Variants in CDH23 observed in about 807,000 individuals in gnomAD.
CDH23 encodes the protein cadherin-23.
CDH23 carries 189 observed loss-of-function variants against 317.1 expected under a neutral mutation model. The observed-to-expected ratio is 0.60, with a 90% CI of 0.53 to 0.67. The LOEUF is 0.67. Among genes scored for constraint, CDH23 ranks in the 30% least tolerant of loss-of-function variants. The pLI is 0.00. For synonymous variants in CDH23, 1,839 were observed against 1,876.8 expected (o/e 0.98, Z 0.52); for missense variants, 4,401 against 4,592.4 (o/e 0.96, Z 1.20).
chr10:71,539,704 T>A (rs1271085942), intron 6 of CDH23, among the ~76,000 whole-genome samples: 2 of 151,678 alleles, frequency 1.3e-5, no homozygotes, highest in Non-Finnish European at 2.9e-5. Context: ...CTTTGCTCCC[T>A]TCTCTCTCTT....
At chr10:71,662,419 G>A (rs1863714394) in intron 14 of CDH23, among the ~76,000 whole-genome samples, 2 of 152,168 alleles carry the variant, frequency 1.3e-5, no homozygotes, top group Non-Finnish European at 2.9e-5. Flanking sequence ...TAGACTGGGG[G>A]CTGCCTGACA....
At chr10:71,696,064 C>T (rs1227073) in intron 22 of CDH23, among the ~76,000 whole-genome samples, 52,230 of 152,064 alleles carry the variant, frequency 0.34, 9,615 homozygotes, top group East Asian at 0.52. Flanking sequence ...GTTGTGTGCT[C>T]ATGTGCAGGA....
At chr10:71,769,057 G>C (rs556789511) in intron 38 of CDH23, among the ~76,000 whole-genome samples, 1 of 152,320 alleles carries the variant, frequency 6.6e-6, no homozygotes, top group South Asian at 2.1e-4. Context: ...CAAATGTCAT[G>C]ACCAATGAAA....
intron 8 of CDH23, among the ~76,000 whole-genome samples, chr10:71,576,384 G>T (rs1858199653): frequency 6.6e-6 from 1 of 152,150 alleles, no homozygotes; most frequent in African/African-American, 2.4e-5. Context: ...AGGGTGAGGT[G>T]GGGGGTGCCC....
At chr10:71,812,259 G>A (rs530929959) in intron 66 of CDH23, 1 of 1,599,132 alleles carries the variant, frequency 6.3e-7, no homozygotes, top group Non-Finnish European at 8.5e-7. Flanking sequence ...GGTGCAGGGT[G>A]AAGCCTCTGC....
intron 9 of CDH23, among the ~76,000 whole-genome samples, chr10:71,608,980 C>T (rs534543152): frequency 6.6e-6 from 1 of 152,276 alleles, no homozygotes; most frequent in South Asian, 2.1e-4. Context: ...CCTGTGTTCC[C>T]GCACGCACCA....
intron 3 of CDH23, among the ~76,000 whole-genome samples, chr10:71,487,222 C>T (rs761322965): frequency 3.3e-5 from 5 of 152,112 alleles, no homozygotes; most frequent in Admixed American, 6.5e-5. Flanking sequence ...TAGACTACTA[C>T]GTGTGTAAAA....
At chr10:71,734,710 C>A in intron 34 of CDH23, 52 bp downstream of exon 34, 1 of 1,242,852 alleles carries the variant, frequency 8.0e-7, no homozygotes, top group Non-Finnish European at 1.1e-6. Flanking sequence ...GTGGCCAGTG[C>A]TGGCCGGGCT....
chr10:71,497,013 G>A (rs1478876389), intron 3 of CDH23, among the ~76,000 whole-genome samples: 3 of 152,206 alleles, frequency 2.0e-5, no homozygotes, highest in Admixed American at 2.0e-4. Flanking sequence ...GTCACATTCA[G>A]GGGACTGTGA....
intron 14 of CDH23, chr10:71,646,906 G>A: frequency 7.1e-7 from 1 of 1,418,214 alleles, no homozygotes; most frequent in Non-Finnish European, 9.2e-7. Flanking sequence ...GGGTGGGCTG[G>A]GAGCCCTGGA....
intron 38 of CDH23, chr10:71,760,853 A>G: frequency 3.7e-6 from 6 of 1,609,834 alleles, no homozygotes; most frequent in Non-Finnish European, 4.3e-6. Flanking sequence ...AAGGGGCAAG[A>G]GGTTGGTCCC....
chr10:71,767,295 G>A lies in CDH23; in HGVS notation c.4846-10385G>A, dbSNP rs146399177. On this transcript the variant is annotated intron_variant, in intron 38 of 69. Transcript: ENST00000224721. ...GCCTGTGTATTTTTCATGACAGGGC[G>A]TGAGCTTAGCCCACAGTCGCCAAGG... 2.7e-3 allele frequency among the ~76,000 whole-genome samples: 411 copies of A among 152,330 alleles called. 1 individual carries two copies. Among genetic ancestry groups the A allele is most frequent in the African/African-American group, 9.2e-3 (383 of 41,572 alleles).
intron 9 of CDH23, among the ~76,000 whole-genome samples, chr10:71,585,360 T>A (rs1016744008): frequency 7.2e-5 from 11 of 152,186 alleles, no homozygotes; most frequent in African/African-American, 2.4e-4. Flanking sequence ...TCTTCATCCA[T>A]GGCAGACATC....
intron 3 of CDH23, among the ~76,000 whole-genome samples, chr10:71,478,420 G>A (rs1851901591): frequency 6.6e-6 from 1 of 152,156 alleles, no homozygotes; most frequent in Admixed American, 6.5e-5. Flanking sequence ...TCCTGATGAT[G>A]CCTTCTCATC....
At chr10:71,461,026 CAG>C (rs1850953626) in intron 3 of CDH23, among the ~76,000 whole-genome samples, 1 of 152,230 alleles carries the variant, frequency 6.6e-6, no homozygotes, top group South Asian at 2.1e-4. Context: ...TATTGGGAAA[CAG>C]TACACACAGA....
intron 48 of CDH23, among the ~76,000 whole-genome samples, chr10:71,795,239 A>G (rs1382673988): frequency 6.6e-6 from 1 of 152,204 alleles, no homozygotes. Context: ...ACATAAAACA[A>G]GAGAAGTGCC....
At chr10:71,519,810 G>T (rs1854559464) in intron 6 of CDH23, among the ~76,000 whole-genome samples, 2 of 150,356 alleles carry the variant, frequency 1.3e-5, no homozygotes, top group Admixed American at 1.3e-4. Context: ...TTGAGACAGG[G>T]TCTCACTCTG....
At chr10:71,703,960 C>T (rs1294003071) in intron 24 of CDH23, among the ~76,000 whole-genome samples, 1 of 152,240 alleles carries the variant, frequency 6.6e-6, no homozygotes, top group Non-Finnish European at 1.5e-5. Flanking sequence ...TCCTCACATA[C>T]ACGATGAGGG....
intron 3 of CDH23, among the ~76,000 whole-genome samples, chr10:71,482,837 A>T (rs1447709417): frequency 6.6e-6 from 1 of 152,196 alleles, no homozygotes; most frequent in South Asian, 2.1e-4. Context: ...GGGGCATTGC[A>T]TTTGGCCCTA....
Sources: gnomAD v4.1 joint callset for allele counts (sites outside exome capture counted in the v4.1 genomes callset) on GRCh38, gnomAD v4.1.1 for gene constraint, MANE v1.5 for transcripts, NCBI Gene and HGNC (gene_info 2026-07-23, HGNC 2026-07-21) for gene names.